Variants in CNTN5 observed in about 807,000 individuals in gnomAD.
The protein encoded by CNTN5 is contactin 5, also known as contactin-5.
CNTN5 carries 77 observed loss-of-function variants against 129.1 expected under a neutral mutation model. The observed-to-expected ratio is 0.60, with a 90% CI of 0.50 to 0.72. The LOEUF is 0.72. Ranked by LOEUF, CNTN5 falls within the 30% of genes least tolerant of loss-of-function variation. The probability of loss-of-function intolerance (pLI) is 0.00; values close to 1 mark genes in which losing one functional copy is unlikely to be tolerated. For missense variants in CNTN5, 1,478 were observed against 1,328.8 expected (o/e 1.11, Z -1.75); for synonymous variants, 509 against 465.6 (o/e 1.09, Z -1.20).
At chr11:100,287,252 G>C (rs929196610) in intron 18 of CNTN5, among the ~76,000 whole-genome samples, 1 of 152,130 alleles carries the variant, frequency 6.6e-6, no homozygotes, top group African/African-American at 2.4e-5. Context: ...AGGAAATACA[G>C]AGAATGCCAT....
At chr11:99,313,048 G>A (rs928854282) in intron 1 of CNTN5, among the ~76,000 whole-genome samples, 1 of 151,344 alleles carries the variant, frequency 6.6e-6, no homozygotes, top group African/African-American at 2.4e-5. Flanking sequence ...AATTATACTC[G>A]ATCGTATATA....
chr11:99,539,492 G>T (rs1948019134), intron 2 of CNTN5, among the ~76,000 whole-genome samples: 1 of 151,808 alleles, frequency 6.6e-6, no homozygotes, highest in Non-Finnish European at 1.5e-5. Context: ...GAGAAAACTA[G>T]TCTAAGATAA....
At chr11:99,546,798 C>T (rs531646074) in intron 2 of CNTN5, among the ~76,000 whole-genome samples, 1 of 152,168 alleles carries the variant, frequency 6.6e-6, no homozygotes, top group South Asian at 2.1e-4. Context: ...ACTTTGCACT[C>T]ATGATGGCCT....
intron 3 of CNTN5, among the ~76,000 whole-genome samples, chr11:99,789,198 A>T (rs1047367795): frequency 1.3e-5 from 2 of 151,914 alleles, no homozygotes; most frequent in Admixed American, 6.6e-5. Flanking sequence ...ACAAATTATG[A>T]TTATGAAACA....
At chr11:100,332,581 C>T (rs1951926762) in intron 21 of CNTN5, among the ~76,000 whole-genome samples, 1 of 151,914 alleles carries the variant, frequency 6.6e-6, no homozygotes, top group African/African-American at 2.4e-5. Flanking sequence ...ATGCAAAAAT[C>T]CTTATGTCAA....
At chr11:99,894,515 C>CAAAAAAAAAAAAAAAAAAAAAAAAA in intron 6 of CNTN5, among the ~76,000 whole-genome samples, 1 of 107,486 alleles carries the variant, frequency 9.3e-6, no homozygotes, top group South Asian at 3.1e-4. Context: ...GTACCAGCAG[C>CAAAAAAAAAAAAAAAAAAAAAAAAA]AAAAAAAAAA....
intron 3 of CNTN5, among the ~76,000 whole-genome samples, chr11:99,812,770 G>C (rs984496903): frequency 6.6e-6 from 1 of 152,126 alleles, no homozygotes. Flanking sequence ...GGCCAAGATG[G>C]AGGAGGAGGA....
At chr11:99,684,853 C>A (rs1953718715) in intron 3 of CNTN5, among the ~76,000 whole-genome samples, 1 of 151,092 alleles carries the variant, frequency 6.6e-6, no homozygotes, top group African/African-American at 2.4e-5. Context: ...CTCTTTTTTT[C>A]CATTGGTGAT....
intron 3 of CNTN5, among the ~76,000 whole-genome samples, chr11:99,660,779 G>T (rs1382623522): frequency 6.6e-6 from 1 of 151,876 alleles, no homozygotes; most frequent in Non-Finnish European, 1.5e-5. Flanking sequence ...TAGTTACAGT[G>T]GTAAGAGAAT....
At position 100,289,090 on chromosome 11, in the gene CNTN5, C is replaced by G. The variant is rs371237640; in HGVS notation, c.2315-8535C>G. Among the ~76,000 whole-genome samples the G allele has an allele frequency of 1.0e-3, 153 of 152,238 alleles. 6 individuals carry two copies. In the East Asian group the frequency reaches 0.013, roughly 13 times the overall value. ...GTTGAATCTCTGAACAGACCAATAACAGGATCTGAAATTGTGGCAATAATC... is the reference window on the plus strand; with the variant it reads ...GTTGAATCTCTGAACAGACCAATAAGAGGATCTGAAATTGTGGCAATAATC... On this transcript the variant is annotated intron_variant, in intron 18 of 24. Coordinates refer to ENST00000524871, the MANE Select transcript of CNTN5 (RefSeq NM_014361.4).
chr11:99,139,576 T>C (rs1344989231), intron 1 of CNTN5, among the ~76,000 whole-genome samples: 2 of 152,218 alleles, frequency 1.3e-5, no homozygotes, highest in Non-Finnish European at 2.9e-5. Context: ...CTTACAGGGT[T>C]AAATGGAACT....
At chr11:99,680,116 T>A (rs1310616046) in intron 3 of CNTN5, among the ~76,000 whole-genome samples, 2 of 152,228 alleles carry the variant, frequency 1.3e-5, no homozygotes, top group African/African-American at 4.8e-5. Flanking sequence ...AACACAAAAA[T>A]GAAAGATGAA....
chr11:99,638,682 G>T (rs568188311), intron 3 of CNTN5, among the ~76,000 whole-genome samples: 1 of 152,244 alleles, frequency 6.6e-6, no homozygotes, highest in East Asian at 1.9e-4. Flanking sequence ...AATCCAGCAG[G>T]GCAGTCCAAT....
At chr11:99,884,561 A>G (rs987703792) in intron 6 of CNTN5, among the ~76,000 whole-genome samples, 8 of 152,244 alleles carry the variant, frequency 5.3e-5, no homozygotes, top group African/African-American at 1.7e-4. Context: ...TCCAAAACTC[A>G]TAAGAATTAT....
chr11:100,332,501 C>T (rs1216186), intron 21 of CNTN5, among the ~76,000 whole-genome samples: 78,790 of 151,882 alleles, frequency 0.52, 20,660 homozygotes, highest in East Asian at 0.69. Context: ...CAGTATCATC[C>T]TAATACCAAA....
intron 2 of CNTN5, among the ~76,000 whole-genome samples, chr11:99,345,446 A>T (rs1228961818): frequency 6.6e-6 from 1 of 152,196 alleles, no homozygotes; most frequent in Non-Finnish European, 1.5e-5. Flanking sequence ...AATATATCCA[A>T]ACCAAAACTT....
intron 2 of CNTN5, among the ~76,000 whole-genome samples, chr11:99,370,309 A>T (rs1939747012): frequency 6.6e-6 from 1 of 152,200 alleles, no homozygotes; most frequent in Non-Finnish European, 1.5e-5. Context: ...TTTGAAAATC[A>T]TCTTTTGGAT....
intron 2 of CNTN5, among the ~76,000 whole-genome samples, chr11:99,338,278 A>T (rs1866329698): frequency 6.6e-6 from 1 of 152,142 alleles, no homozygotes; most frequent in Non-Finnish European, 1.5e-5. Context: ...CTTGAGTCTC[A>T]TTCTTTTTCT....
At chr11:99,796,029 T>A (rs982697381) in intron 3 of CNTN5, among the ~76,000 whole-genome samples, 1 of 151,464 alleles carries the variant, frequency 6.6e-6, no homozygotes, top group Non-Finnish European at 1.5e-5. Flanking sequence ...AGGTGTGGGG[T>A]GTTGGCTTCT....
Sources: gnomAD v4.1 joint callset for allele counts (sites outside exome capture counted in the v4.1 genomes callset) on GRCh38, gnomAD v4.1.1 for gene constraint, MANE v1.5 for transcripts, NCBI Gene and HGNC (gene_info 2026-07-23, HGNC 2026-07-21) for gene names.